Variants in TGM3 observed in about 807,000 individuals in gnomAD.
The protein encoded by TGM3 is protein-glutamine gamma-glutamyltransferase E.
Under a neutral mutation model 73.8 loss-of-function variants are expected in TGM3, and 52 were observed. The observed-to-expected ratio is 0.70, with a 90% CI of 0.56 to 0.89. The LOEUF (loss-of-function observed/expected upper bound fraction) is 0.89, where lower values mean the gene tolerates loss of function less well. Among genes scored for constraint, TGM3 ranks in the 40% least tolerant of loss-of-function variants. The probability of loss-of-function intolerance (pLI) is 0.00; values close to 1 mark genes in which losing one functional copy is unlikely to be tolerated. For missense variants in TGM3, 928 were observed against 909.9 expected (o/e 1.02, Z -0.26); for synonymous variants, 372 against 354.9 (o/e 1.05, Z -0.54).
At position 2,336,374 on chromosome 20, in the gene TGM3, T is replaced by A. The variant is rs139097999; in HGVS notation, c.1800+1101T>A. Among the ~76,000 whole-genome samples the A allele has an allele frequency of 6.0e-3, 906 of 152,184 alleles. 3 individuals carry two copies. Among genetic ancestry groups the A allele is most frequent in the Non-Finnish European group, 7.0e-3 (475 of 67,992 alleles). ...CTCATGGGCCAGGCCCTGCCCTCTC[T>A]CATCTGCTGTACCCACCGTCTGCCC... is the stretch of plus-strand genomic sequence containing the variant. On this transcript the variant is annotated intron_variant, in intron 11 of 12. Transcript: ENST00000381458.
intron 3 of TGM3, among the ~76,000 whole-genome samples, chr20:2,310,777 G>T (rs2084199503): frequency 6.6e-6 from 1 of 152,024 alleles, no homozygotes; most frequent in African/African-American, 2.4e-5. Context: ...GAAAGAGCAG[G>T]TGTCTTATCC....
chr20:2,336,570 G>C (rs967258722), intron 11 of TGM3, among the ~76,000 whole-genome samples: 3 of 148,734 alleles, frequency 2.0e-5, no homozygotes, highest in Non-Finnish European at 3.0e-5. Context: ...GGGGATCTAG[G>C]ATGCTGGCTC....
At chr20:2,313,251 C>T (rs147842003) in intron 5 of TGM3, among the ~76,000 whole-genome samples, 1 of 152,310 alleles carries the variant, frequency 6.6e-6, no homozygotes, top group Non-Finnish European at 1.5e-5. Context: ...AGAGCCAGAC[C>T]CAGGTCCAGC....
At chr20:2,317,932 T>TATATG (rs1568627309) in intron 7 of TGM3, among the ~76,000 whole-genome samples, 1 of 142,328 alleles carries the variant, frequency 7.0e-6, no homozygotes, top group Admixed American at 6.9e-5. Context: ...CATATATATA[T>TATATG]ATATATATAT....
intron 1 of TGM3, among the ~76,000 whole-genome samples, chr20:2,305,726 G>A (rs1171912804): frequency 6.6e-6 from 1 of 152,204 alleles, no homozygotes; most frequent in Non-Finnish European, 1.5e-5. Context: ...CAGAGATGAT[G>A]AGTGCAAATG....
At chr20:2,307,134 T>C (rs1011917580) in intron 1 of TGM3, among the ~76,000 whole-genome samples, 4 of 152,234 alleles carry the variant, frequency 2.6e-5, no homozygotes, top group African/African-American at 9.6e-5. Flanking sequence ...ATTCTTTCAA[T>C]GAATATTTGT....
intron 1 of TGM3, among the ~76,000 whole-genome samples, chr20:2,300,242 AAG>A (rs201466052): frequency 0.12 from 17,459 of 151,418 alleles, 1,128 homozygotes; most frequent in Middle Eastern, 0.25. Flanking sequence ...GAAAAAAAGA[AAG>A]AAAGAAAGAA....
intron 1 of TGM3, among the ~76,000 whole-genome samples, chr20:2,299,006 G>A (rs2084127370): frequency 6.6e-6 from 1 of 152,030 alleles, no homozygotes; most frequent in South Asian, 2.1e-4. Flanking sequence ...AATGACAGCT[G>A]CCCGTATTTC....
intron 1 of TGM3, among the ~76,000 whole-genome samples, chr20:2,300,990 C>G (rs1262096185): frequency 6.6e-6 from 1 of 151,978 alleles, no homozygotes; most frequent in African/African-American, 2.4e-5. Context: ...GAGAAAAGTA[C>G]AATTCAGAGA....
chr20:2,312,207 C>G (rs45625640), intron 4 of TGM3, among the ~76,000 whole-genome samples: 38 of 151,170 alleles, frequency 2.5e-4, no homozygotes, highest in African/African-American at 8.8e-4. Flanking sequence ...CGAGACCAGC[C>G]TGGCCTATAT....
intron 7 of TGM3, 68 bp downstream of exon 7, chr20:2,317,553 T>G (rs1438503723): frequency 6.3e-7 from 1 of 1,598,500 alleles, no homozygotes. Flanking sequence ...CTCACCATCC[T>G]TCTGGGACCC....
Position 2,335,173 on chromosome 20 carries a change from A to G in TGM3, c.1700A>G (p.Asp567Gly), listed in dbSNP as rs373901654. 1.2e-6 allele frequency: 2 copies of G among 1,614,142 alleles called. No individual in the cohort carries two copies. The highest frequency in any genetic ancestry group is 1.3e-5 in the African/African-American group (1 of 74,948). ...CAGTATGAGAAGTACCTGAAGTCAG[A>G]CAACATGATCCGGATCACAGCGGTG... is the stretch of plus-strand genomic sequence containing the variant. ...YAQYEKYLKS[D>G]NMIRITAVCK... Residue 567 changes from aspartate to glycine, a missense_variant, in exon 11 of 13, where the codon GAC becomes GGC. Transcript: ENST00000381458.
Position 2,332,596 on chromosome 20 carries a change from A to T in TGM3, c.1642+286A>T, listed in dbSNP as rs897926800. 6.6e-6 allele frequency among the ~76,000 whole-genome samples: 1 copy of T among 152,184 alleles called. No individual in the cohort carries two copies. Among genetic ancestry groups the T allele is most frequent in the African/African-American group, 2.4e-5 (1 of 41,442 alleles). Reference sequence around the variant, plus strand: ...CTATGGCACAATATCCCTTACAAGTATATACCACCTCACACAGTTTGACCG... The same window carrying T: ...CTATGGCACAATATCCCTTACAAGTTTATACCACCTCACACAGTTTGACCG... On this transcript the variant is annotated intron_variant, in intron 10 of 12. Coordinates refer to ENST00000381458, the MANE Select transcript of TGM3 (RefSeq NM_003245.4). This position sits in a 1 kb window ranked among gnomAD's most constrained non-coding sequence, Gnocchi z 4.4.
intron 11 of TGM3, among the ~76,000 whole-genome samples, chr20:2,339,199 G>A (rs139031269): frequency 1.3e-3 from 199 of 152,346 alleles, no homozygotes; most frequent in African/African-American, 4.6e-3. Flanking sequence ...AGTTAAGGGA[G>A]CTACAGTGTG....
intron 9 of TGM3, among the ~76,000 whole-genome samples, chr20:2,330,662 A>G (rs186743353): frequency 6.6e-6 from 1 of 152,348 alleles, no homozygotes; most frequent in East Asian, 1.9e-4. Context: ...GTCTCTGCAA[A>G]TCACATGTAA....
At chr20:2,297,536 C>T (rs374867388) in intron 1 of TGM3, among the ~76,000 whole-genome samples, 4 of 152,306 alleles carry the variant, frequency 2.6e-5, no homozygotes, top group East Asian at 3.9e-4. Flanking sequence ...CAGGACCTCC[C>T]GTGGACTCTC....
chr20:2,327,451 T>A (rs6417528), intron 8 of TGM3, among the ~76,000 whole-genome samples: 1 of 151,990 alleles, frequency 6.6e-6, no homozygotes, highest in African/African-American at 2.4e-5. Context: ...CACTCCAGAC[T>A]GGGCGACAGA....
rs1170233972 is a variant in TGM3 at position 2,328,921 on chromosome 20, C to T, written c.1333+556C>T. Among the ~76,000 whole-genome samples the T allele has an allele frequency of 2.0e-5, 3 of 152,320 alleles. No homozygotes were observed. Among genetic ancestry groups the T allele is most frequent in the South Asian group, 2.1e-4 (1 of 4,826 alleles). On this transcript the variant is annotated intron_variant, in intron 9 of 12. Transcript: ENST00000381458. The surrounding 1 kb of genome is among the most constrained non-coding windows in gnomAD (Gnocchi z 5.2). ...GAAATCTCAGGCATGCTACATTGCT[C>T]GTCCCCCTGAAGTCACCTTGGAAAG...
At chr20:2,310,559 G>T in intron 3 of TGM3, 142 bp downstream of exon 3, 1 of 1,348,650 alleles carries the variant, frequency 7.4e-7, no homozygotes, top group African/African-American at 1.5e-5. Context: ...TAGAAATGAG[G>T]AGCTCTGACA....
Sources: allele counts gnomAD v4.1 joint callset (sites outside exome capture counted in the v4.1 genomes callset), GRCh38; gene constraint gnomAD v4.1.1; non-coding constraint Gnocchi (gnomAD v3.1); transcripts MANE v1.5; gene names NCBI Gene and HGNC (gene_info 2026-07-23, HGNC 2026-07-21).